Variants in SKI observed in about 807,000 individuals in gnomAD.
SKI encodes SKI proto-oncogene.
In SKI, 23 loss-of-function variants were observed where a neutral mutation model predicts 59.3. That is an observed-to-expected ratio of 0.39 (90% confidence interval 0.28 to 0.55). SKI has a LOEUF of 0.55. Ranked by LOEUF, SKI falls within the 20% of genes least tolerant of loss-of-function variation. The pLI, the probability that SKI is intolerant of heterozygous loss-of-function variation, is 0.67. For missense variants in SKI, 1,017 were observed against 1,038.9 expected, an observed-to-expected ratio of 0.98 and a Z score of 0.29; for synonymous variants, 673 against 488.6, an observed-to-expected ratio of 1.38 and a Z score of -4.98.
chr1:2,259,195 C>T (rs1435618195), intron 1 of SKI, among the ~76,000 whole-genome samples: 1 of 152,196 alleles, frequency 6.6e-6, no homozygotes, highest in East Asian at 1.9e-4. Context: ...GCCCCACCGC[C>T]CTCGCCGGTG....
intron 1 of SKI, among the ~76,000 whole-genome samples, chr1:2,277,789 A>G (rs1433307472): frequency 7.0e-6 from 1 of 142,338 alleles, no homozygotes; most frequent in East Asian, 2.0e-4. Context: ...ACACGTCAGC[A>G]CCGTGAGCGC....
intron 6 of SKI, 30 bp downstream of exon 6, chr1:2,306,280 G>A (rs1292502962): frequency 2.0e-6 from 3 of 1,515,808 alleles, no homozygotes; most frequent in East Asian, 2.5e-5. Flanking sequence ...GAGGCACGCA[G>A]CACGGTGGGC....
chr1:2,252,406 C>T (rs929349608), intron 1 of SKI, among the ~76,000 whole-genome samples: 4 of 152,188 alleles, frequency 2.6e-5, no homozygotes, highest in African/African-American at 9.7e-5. Flanking sequence ...CTGCACTCAG[C>T]CTCCCCAGAA....
chr1:2,282,397 GCGGAGA>G (rs1639908844), intron 1 of SKI, among the ~76,000 whole-genome samples: 8 of 51,498 alleles, frequency 1.6e-4, no homozygotes, highest in African/African-American at 3.3e-4. Flanking sequence ...ACAGGCGGTG[GCGGAGA>G]TCTTCAGAGA....
At chr1:2,291,792 G>T (rs1640168476) in intron 1 of SKI, among the ~76,000 whole-genome samples, 1 of 152,168 alleles carries the variant, frequency 6.6e-6, no homozygotes, top group South Asian at 2.1e-4. Context: ...TCCTTAGAAA[G>T]ATTTGGCTTT....
At chr1:2,252,364 A>C (rs1639170870) in intron 1 of SKI, among the ~76,000 whole-genome samples, 1 of 152,020 alleles carries the variant, frequency 6.6e-6, no homozygotes, top group South Asian at 2.1e-4. Context: ...GCTGCTGAGG[A>C]GGCTGCCCCA....
At chr1:2,286,971 C>T (rs1557841118) in intron 1 of SKI, among the ~76,000 whole-genome samples, 1 of 152,172 alleles carries the variant, frequency 6.6e-6, no homozygotes, top group Admixed American at 6.5e-5. Context: ...GGGGACAGAG[C>T]GTTAAGCCCA....
rs1013962872 is a variant in SKI at position 2,229,186 on chromosome 1, C to T, written c.420C>T (p.Asn140=). ...VLRDFSLQQI[N]AVCDELHIYC... Reference sequence around the variant, plus strand: ...GCGACTTCTCGCTGCAGCAGATCAACGCGGTGTGCGACGAGCTCCACATCT... The same window carrying T: ...GCGACTTCTCGCTGCAGCAGATCAATGCGGTGTGCGACGAGCTCCACATCT... The change falls in exon 1 of 7, where the codon AAC becomes AAT. Residue 140 remains asparagine (N), a synonymous_variant. Transcript: ENST00000378536. The surrounding 1 kb of genome is among the most constrained non-coding windows in gnomAD (Gnocchi z 6.3). 1.9e-6 allele frequency: 3 copies of T among 1,611,206 alleles called. No individual in the cohort carries two copies. The highest frequency in any genetic ancestry group is 2.5e-6 in the Non-Finnish European group (3 of 1,179,286).
chr1:2,299,565 G>A (rs1283137010), intron 1 of SKI, among the ~76,000 whole-genome samples: 11 of 152,166 alleles, frequency 7.2e-5, no homozygotes, highest in African/African-American at 1.2e-4. Flanking sequence ...GCCAGGGTAG[G>A]GGACATGGAG....
intron 1 of SKI, among the ~76,000 whole-genome samples, chr1:2,266,237 G>A (rs1471550546): frequency 3.3e-5 from 5 of 152,172 alleles, no homozygotes; most frequent in African/African-American, 7.2e-5. Context: ...CCTCAGGCCT[G>A]TTGTCTCTAA....
chr1:2,255,363 C>T (rs1639251033), intron 1 of SKI, among the ~76,000 whole-genome samples: 1 of 152,260 alleles, frequency 6.6e-6, no homozygotes, highest in Non-Finnish European at 1.5e-5. Flanking sequence ...TATCCTTTGG[C>T]TGATTAATAT....
intron 1 of SKI, among the ~76,000 whole-genome samples, chr1:2,258,992 C>G (rs530628307): frequency 4.5e-4 from 69 of 152,336 alleles, no homozygotes; most frequent in African/African-American, 1.6e-3. Context: ...CCAGCATATT[C>G]AAACCCAAGG....
rs192285821 is a variant in SKI at position 2,285,620 on chromosome 1, A to T, written c.970-17358A>T. Among the ~76,000 whole-genome samples, 959 of 149,040 alleles carry T rather than the reference A, an allele frequency of 6.4e-3. 17 individuals are homozygous for T. The highest frequency in any genetic ancestry group is 0.022 in the African/African-American group (899 of 40,766). On this transcript the variant is annotated intron_variant, in intron 1 of 6. Transcript: ENST00000378536. Reference sequence around the variant, plus strand: ...TGCTCTGTCACCCAGGCTGGAGTGCAGTGGCGTGATCTCAGCTCACTACAA... The same window carrying T: ...TGCTCTGTCACCCAGGCTGGAGTGCTGTGGCGTGATCTCAGCTCACTACAA...
intron 1 of SKI, among the ~76,000 whole-genome samples, chr1:2,251,793 C>T (rs941458833): frequency 1.3e-5 from 2 of 152,250 alleles, no homozygotes; most frequent in Non-Finnish European, 2.9e-5. Context: ...TTTCTTTCCT[C>T]GTGAATGTCG....
chr1:2,304,473 G>A lies in SKI; in HGVS notation c.1655G>A (p.Gly552Asp), dbSNP rs867173192. The A allele has an allele frequency of 6.4e-7, 1 of 1,573,480 alleles. No individual in the cohort carries two copies. ...LEHLRQALEG[G>D]LDTKEAKEKF... ...CACCTGCGGCAGGCACTGGAGGGCG[G>A]CCTGGACACCAAGGAAGCCAAAGAG... Residue 552 changes from glycine to aspartate, a missense_variant, in exon 5 of 7, where the codon GGC becomes GAC. Coordinates refer to ENST00000378536, the MANE Select transcript of SKI (RefSeq NM_003036.4).
At chr1:2,295,177 G>T (rs920269696) in intron 1 of SKI, among the ~76,000 whole-genome samples, 3 of 152,212 alleles carry the variant, frequency 2.0e-5, no homozygotes, top group African/African-American at 2.4e-5. Context: ...CTGGTGTCCT[G>T]TGTGTCCACG....
At chr1:2,283,717 G>A (rs1557839088) in intron 1 of SKI, among the ~76,000 whole-genome samples, 1 of 152,210 alleles carries the variant, frequency 6.6e-6, no homozygotes, top group Non-Finnish European at 1.5e-5. Context: ...CAGCCCTGCT[G>A]CCCATGGCCC....
chr1:2,230,017 C>T (rs909820698), intron 1 of SKI, among the ~76,000 whole-genome samples: 4 of 152,234 alleles, frequency 2.6e-5, no homozygotes, highest in Admixed American at 2.6e-4. Context: ...CCCGCAGGCC[C>T]ACAGGCATTG....
Position 2,268,109 on chromosome 1 carries a change from A to G in SKI, c.970-34869A>G, listed in dbSNP as rs897738928. Reference sequence around the variant, plus strand: ...GGTGCCCACCCCTGTGGTCAGATGCATGGCGCCCGCAGCCCTGGCCCAGGT... The same window carrying G: ...GGTGCCCACCCCTGTGGTCAGATGCGTGGCGCCCGCAGCCCTGGCCCAGGT... On this transcript the variant is annotated intron_variant, in intron 1 of 6. Transcript: ENST00000378536. The surrounding 1 kb of genome is among the most constrained non-coding windows in gnomAD (Gnocchi z 5.0). 5.3e-5 allele frequency among the ~76,000 whole-genome samples: 8 copies of G among 152,188 alleles called. No homozygotes were observed. Among genetic ancestry groups the G allele is most frequent in the Admixed American group, 2.6e-4 (4 of 15,286 alleles).
Sources: gnomAD v4.1 joint callset for allele counts (sites outside exome capture counted in the v4.1 genomes callset) on GRCh38, gnomAD v4.1.1 for gene constraint, Gnocchi (gnomAD v3.1) non-coding constraint, MANE v1.5 for transcripts, NCBI Gene and HGNC (gene_info 2026-07-23, HGNC 2026-07-21) for gene names.